Variants in ARMC6 observed in about 807,000 individuals in gnomAD.
ARMC6 encodes the protein armadillo repeat-containing protein 6.
In ARMC6, 43 loss-of-function variants were observed where a neutral mutation model predicts 49.2. The observed-to-expected ratio is 0.87, with a 90% CI of 0.69 to 1.13. The LOEUF (loss-of-function observed/expected upper bound fraction) is 1.13. Ranked by LOEUF, ARMC6 falls within the 50% of genes most tolerant of loss-of-function variation. The pLI is 0.00. For synonymous variants in ARMC6, 262 were observed against 289.6 expected (o/e 0.90, Z 0.97); for missense variants, 627 against 682.0 (o/e 0.92, Z 0.90).
At position 19,051,949 on chromosome 19, in the gene ARMC6, C is replaced by T. The variant is rs772081095; in HGVS notation, c.607C>T (p.Arg203Cys). Residue 203 changes from arginine (R) to cysteine (C), a missense_variant, in exon 5 of 9, where the codon CGT becomes TGT. Coordinates refer to ENST00000535612, the MANE Select transcript of ARMC6 (RefSeq NM_001199196.2). The stretch of plus-strand genomic sequence containing the variant: ...GACCTGCTCTGGGATCCGCTGTGTG[C>T]GTCACGCTTGCCTGAAACATGAACA... ...DLTCSGIRCVRHACLKHEQNR... is the reference protein window; with the variant it reads ...DLTCSGIRCVCHACLKHEQNR... The T allele has an allele frequency of 9.3e-6, 15 of 1,614,016 alleles. No homozygotes were observed. The highest frequency in any genetic ancestry group is 3.3e-4 in the Middle Eastern group (2 of 6,078).
intron 4 of ARMC6, among the ~76,000 whole-genome samples, chr19:19,045,490 A>ATTTTTTTTTTTTTTTTTTTTTTTTTTTTT (rs1355279150): frequency 3.5e-5 from 1 of 28,218 alleles, no homozygotes; most frequent in African/African-American, 1.4e-4. Context: ...ATTATGCTAA[A>ATTTTTTTTTTTTTTTTTTTTTTTTTTTTT]TTCTTTTTTT....
intron 4 of ARMC6, among the ~76,000 whole-genome samples, chr19:19,047,850 G>A (rs779552324): frequency 7.9e-5 from 12 of 152,166 alleles, no homozygotes; most frequent in Non-Finnish European, 1.8e-4. Context: ...CATGTGAGAC[G>A]TACATTGGTG....
At position 19,057,463 on chromosome 19, in the gene ARMC6, C is replaced by T. The variant is rs534305728; in HGVS notation, c.1341C>T (p.Ala447=). 1.2e-6 allele frequency: 2 copies of T among 1,614,042 alleles called. No individual in the cohort carries two copies. Among genetic ancestry groups the T allele is most frequent in the Non-Finnish European group, 8.5e-7 (1 of 1,180,030 alleles). The stretch of plus-strand genomic sequence containing the variant: ...GAAACCTGGTGGCCCACGGCCAGGC[C>T]TTCTCGAAGCCCATCCTGGACCTGG... ...LIRNLVAHGQ[A]FSKPILDLGA... Residue 447 remains alanine (A), a synonymous_variant, in exon 9 of 9, where the codon GCC becomes GCT. Transcript: ENST00000535612.
At position 19,054,057 on chromosome 19, in the gene ARMC6, CTGGA is replaced by C. The variant is rs1300180623; in HGVS notation, c.854-94_854-91del. The C allele has an allele frequency of 3.0e-6, 4 of 1,328,540 alleles. No homozygotes were observed. The East Asian group carries it at 8.2e-5, about 27-fold the overall frequency. 82.3% of individuals were successfully genotyped at this position (1,328,540 alleles called of 1,614,324 possible). A position where few individuals can be genotyped will look rare whatever the true frequency, so the allele number is the denominator to read the frequency against. On this transcript the variant is annotated intron_variant, in intron 5 of 8. Transcript: ENST00000535612. ...GTGGCCACTCCAATAGGCAGAAGGG[CTGGA>C]CTCTTCCAGTGGAGCAGGATCTCCA...
chr19:19,044,255 A>G (rs1283518341), intron 4 of ARMC6, among the ~76,000 whole-genome samples, 181 bp downstream of exon 4: 2 of 152,216 alleles, frequency 1.3e-5, no homozygotes, highest in Admixed American at 1.3e-4. Flanking sequence ...CATGCCTTCC[A>G]ATGCAGGGGA....
chr19:19,034,992 G>C (rs2059341217), intron 2 of ARMC6, among the ~76,000 whole-genome samples: 1 of 152,028 alleles, frequency 6.6e-6, no homozygotes, highest in Admixed American at 6.6e-5. Flanking sequence ...CTCCCGAGTA[G>C]CTGGAAATAC....
intron 2 of ARMC6, among the ~76,000 whole-genome samples, chr19:19,041,398 G>T (rs1396239895): frequency 1.3e-5 from 2 of 152,048 alleles, no homozygotes; most frequent in African/African-American, 4.8e-5. Context: ...GCCCAGGCTG[G>T]TGTGCAGTGG....
chr19:19,043,500 A>G (rs780088566), intron 3 of ARMC6, among the ~76,000 whole-genome samples: 11 of 152,158 alleles, frequency 7.2e-5, no homozygotes, highest in Non-Finnish European at 1.0e-4. Flanking sequence ...ACAGCCTGAG[A>G]GGTCAGAGGT....
intron 4 of ARMC6, among the ~76,000 whole-genome samples, chr19:19,050,510 C>G (rs73008949): frequency 0.064 from 9,819 of 152,280 alleles, 382 homozygotes; most frequent in Middle Eastern, 0.15. Context: ...GCCACCACGC[C>G]TGGCTTCTCT....
Position 19,054,333 on chromosome 19 carries a change from C to T in ARMC6, c.1023+12C>T, listed in dbSNP as rs951116464. On this transcript the variant is annotated intron_variant, in intron 6 of 8. Transcript: ENST00000535612. ...AGAGCGGCGTTCAGGTATGAAGTCC[C>T]CCTGGCCCATTGCGTGCTGTCCTTC... 1.9e-6 allele frequency: 3 copies of T among 1,543,530 alleles called. No individual in the cohort carries two copies. The highest frequency in any genetic ancestry group is 1.8e-6 in the Non-Finnish European group (2 of 1,142,188).
chr19:19,055,758 G>A lies in ARMC6; in HGVS notation c.1156-33G>A. ...GGATGTTGTGGGGGGTCTATCTGCT[G>A]CATCTCAGCCTTTCTGTGACTGGCC... is the stretch of plus-strand genomic sequence containing the variant. On this transcript the variant is annotated intron_variant, in intron 7 of 8. Transcript: ENST00000535612. This position sits in a 1 kb window ranked among gnomAD's most constrained non-coding sequence, Gnocchi z 5.7. 6.5e-7 allele frequency: 1 copy of A among 1,535,400 alleles called. No homozygotes were observed. Among genetic ancestry groups the A allele is most frequent in the Admixed American group, 1.8e-5 (1 of 54,388 alleles).
At chr19:19,056,041 G>A (rs1355705143) in intron 8 of ARMC6, 113 bp downstream of exon 8, 3 of 1,277,066 alleles carry the variant, frequency 2.3e-6, no homozygotes, top group East Asian at 5.2e-5. Flanking sequence ...CAAAGGCTCA[G>A]TCCCTATCCC....
chr19:19,056,289 T>C (rs2059544179), intron 8 of ARMC6, among the ~76,000 whole-genome samples: 1 of 144,348 alleles, frequency 6.9e-6, no homozygotes, highest in Non-Finnish European at 1.5e-5. Flanking sequence ...TTTGAGACAG[T>C]CTCACTCTGT....
In ARMC6 at chr19:19,033,705, C is replaced by G. The variant is rs1474295126; in HGVS notation, c.-305C>G. Reference sequence around the variant, plus strand: ...GGGGGCGGCGACCACCGTGAGCGTCCCGGAAGGGGCGGCAAAGACGCCTCC... The same window carrying G: ...GGGGGCGGCGACCACCGTGAGCGTCGCGGAAGGGGCGGCAAAGACGCCTCC... On this transcript the variant is annotated 5_prime_UTR_variant, in exon 1 of 9. Transcript: ENST00000535612. 7.3e-6 allele frequency: 2 copies of G among 273,036 alleles called. No homozygotes were observed. The highest frequency in any genetic ancestry group is 4.5e-5 in the African/African-American group (2 of 44,744). 16.9% of individuals were successfully genotyped at this position (273,036 alleles called of 1,614,324 possible).
Position 19,042,857 on chromosome 19 carries a change from T to C in ARMC6, c.176T>C (p.Val59Ala). 1 of 1,613,866 alleles carries C rather than the reference T, an allele frequency of 6.2e-7. No homozygotes were observed. Among genetic ancestry groups the C allele is most frequent in the South Asian group, 1.1e-5 (1 of 91,086 alleles). The change falls in exon 3 of 9, where the codon GTG (valine) becomes GCG (alanine). Residue 59 changes from valine (V) to alanine (A), a missense_variant. Val to Ala is a moderately conservative substitution (Grantham distance 64). Transcript: ENST00000535612. ...CCAGAGGAGGCAGTGAAAGAGGCCGTGGAGCAGTTTGAATCGCAAGGTAGG... is the reference window on the plus strand; with the variant it reads ...CCAGAGGAGGCAGTGAAAGAGGCCGCGGAGCAGTTTGAATCGCAAGGTAGG... ...MGPEEAVKEA[V>A]EQFESQGVDL... is the part of the protein sequence containing the mutation.
chr19:19,055,543 C>T lies in ARMC6; in HGVS notation c.1155+147C>T, dbSNP rs1254772772. The T allele has an allele frequency of 6.3e-6, 8 of 1,271,836 alleles. No homozygotes were observed. The highest frequency in any genetic ancestry group is 2.7e-5 in the Admixed American group (1 of 37,302). The allele number at this position is 1,271,836 out of a possible 1,614,324, so 78.8% of individuals were successfully genotyped here. A position where few individuals can be genotyped will look rare whatever the true frequency, so the allele number is the denominator to read the frequency against. On this transcript the variant is annotated intron_variant, in intron 7 of 8. Transcript: ENST00000535612. The surrounding 1 kb of genome is among the most constrained non-coding windows in gnomAD (Gnocchi z 5.7). ...GCATTGGCTCTCAAATGCTGACCTG[C>T]GTATGCATGACTTTGGGTGTCCTGG...
chr19:19,043,893 G>A, intron 3 of ARMC6, 99 bp from the exon 4 acceptor site: 1 of 1,111,606 alleles, frequency 9.0e-7, no homozygotes, highest in South Asian at 1.3e-5. Flanking sequence ...GGTGGTCCCA[G>A]CAGAAGGGTC....
At chr19:19,056,940 C>A (rs1201550221) in intron 8 of ARMC6, among the ~76,000 whole-genome samples, 1 of 152,234 alleles carries the variant, frequency 6.6e-6, no homozygotes, top group Non-Finnish European at 1.5e-5. Context: ...TGCTGTCCTG[C>A]TGGTGGTGGG....
intron 2 of ARMC6, among the ~76,000 whole-genome samples, chr19:19,036,318 T>C (rs1038409883): frequency 3.3e-5 from 5 of 152,168 alleles, no homozygotes; most frequent in Non-Finnish European, 1.5e-5. Flanking sequence ...GGTGTCAGCC[T>C]CCCAAAATGC....
Sources: allele counts gnomAD v4.1 joint callset (sites outside exome capture counted in the v4.1 genomes callset), GRCh38; gene constraint gnomAD v4.1.1; non-coding constraint Gnocchi (gnomAD v3.1); transcripts MANE v1.5; gene names NCBI Gene and HGNC (gene_info 2026-07-23, HGNC 2026-07-21).